The following NDRG3 variants were observed in gnomAD, a reference collection of about 807,000 sequenced individuals.
NDRG3 encodes protein NDRG3.
A neutral mutation model predicts 57.2 loss-of-function variants in NDRG3; 23 were observed. The ratio of observed to expected loss-of-function variants is 0.40; its 90% confidence interval spans 0.29 to 0.57. The LOEUF (loss-of-function observed/expected upper bound fraction) is 0.57. NDRG3 is among the 20% of genes least tolerant of loss of function. The pLI, the probability that NDRG3 is intolerant of heterozygous loss-of-function variation, is 0.42. For synonymous variants in NDRG3, 132 were observed against 162.6 expected (o/e 0.81, Z 1.43); for missense variants, 384 against 457.3 (o/e 0.84, Z 1.46).
chr20:36,659,354 C>T (rs1978954484), intron 13 of NDRG3, among the ~76,000 whole-genome samples: 1 of 152,124 alleles, frequency 6.6e-6, no homozygotes, highest in South Asian at 2.1e-4. Context: ...TCTCAAACTC[C>T]TGGACTCAAG....
intron 1 of NDRG3, among the ~76,000 whole-genome samples, chr20:36,744,861 C>G (rs933392825): frequency 6.6e-6 from 1 of 151,434 alleles, no homozygotes; most frequent in South Asian, 2.1e-4. Context: ...CTAGCCAAAT[C>G]TGCTCTGTCA....
intron 3 of NDRG3, among the ~76,000 whole-genome samples, chr20:36,701,378 A>T (rs1471462394): frequency 6.6e-6 from 1 of 151,714 alleles, no homozygotes; most frequent in East Asian, 1.9e-4. Context: ...CTCTACAAAA[A>T]ATATATATAT....
rs776129013 is a variant in NDRG3, at chr20:36,666,340, G to C, written c.641C>G (p.Ala214Gly). The change falls in exon 10 of 16, where the codon GCC becomes GGC. Residue 214 changes from alanine (A) to glycine (G), a missense_variant. Transcript: ENST00000349004. ...CAGGTTGTCTTGGTTGATGTCTTGGGCAATATGCATTCTGTAGGTTTGGAT... is the reference window on the plus strand; with the variant it reads ...CAGGTTGTCTTGGTTGATGTCTTGGCCAATATGCATTCTGTAGGTTTGGAT... The part of the protein sequence containing the change: ...DLIQTYRMHI[A>G]QDINQDNLQL... 3 of 1,614,146 alleles carry C rather than the reference G, an allele frequency of 1.9e-6. No homozygotes were observed. Among genetic ancestry groups the C allele is most frequent in the South Asian group, 2.2e-5 (2 of 91,090 alleles).
At chr20:36,691,172 A>G (rs911652145) in intron 3 of NDRG3, among the ~76,000 whole-genome samples, 2 of 152,238 alleles carry the variant, frequency 1.3e-5, no homozygotes, top group African/African-American at 4.8e-5. Context: ...AATGAACCTC[A>G]TAAGAGCTTT....
intron 1 of NDRG3, 150 bp downstream of exon 1, chr20:36,745,895 C>T (rs1411812402): frequency 1.0e-5 from 2 of 198,914 alleles, no homozygotes; most frequent in East Asian, 2.1e-4. Flanking sequence ...GGGCAGAGGG[C>T]CCCGGGGGCA....
chr20:36,687,430 T>C (rs1981883258), intron 5 of NDRG3, 62 bp downstream of exon 5: 4 of 1,581,152 alleles, frequency 2.5e-6, no homozygotes, highest in Non-Finnish European at 2.6e-6. Context: ...CTTCTCCCAC[T>C]GGAGCTCAGC....
chr20:36,672,451 G>T (rs1980253206), intron 8 of NDRG3, among the ~76,000 whole-genome samples: 1 of 152,192 alleles, frequency 6.6e-6, no homozygotes, highest in South Asian at 2.1e-4. Flanking sequence ...GCCTGGAGTA[G>T]GATCATATAG....
rs527573335 is a variant in NDRG3 at position 36,683,193 on chromosome 20, G to A, written c.384-615C>T. On this transcript the variant is annotated intron_variant, in intron 6 of 15. Transcript: ENST00000349004. ...CGGGAGGTGGAGCTTGCAGTGAGCC[G>A]AGAATGCGCCACTGCACTCCAGCCT... Among the ~76,000 whole-genome samples, 64 of 152,116 alleles carry A rather than the reference G, an allele frequency of 4.2e-4. 1 individual carries two copies. Among genetic ancestry groups the A allele is most frequent in the African/African-American group, 1.4e-3 (60 of 41,518 alleles).
intron 2 of NDRG3, among the ~76,000 whole-genome samples, chr20:36,713,851 GA>G (rs571644535): frequency 1.3e-5 from 2 of 152,108 alleles, no homozygotes; most frequent in South Asian, 4.1e-4. Context: ...CTAAAGTGGA[GA>G]AAATGAGTTG....
At chr20:36,725,926 CTTTT>C (rs35120120) in intron 1 of NDRG3, among the ~76,000 whole-genome samples, 4 of 123,620 alleles carry the variant, frequency 3.2e-5, no homozygotes, top group Admixed American at 1.7e-4. Flanking sequence ...CCTAGTGTTC[CTTTT>C]TTTTTTTTTT....
intron 2 of NDRG3, among the ~76,000 whole-genome samples, chr20:36,711,235 C>T (rs905706808): frequency 1.7e-4 from 25 of 149,300 alleles, no homozygotes; most frequent in African/African-American, 4.7e-4. Flanking sequence ...GCAGAGATCA[C>T]GCCACTGCAC....
intron 1 of NDRG3, among the ~76,000 whole-genome samples, chr20:36,733,552 G>A (rs573034403): frequency 2.6e-5 from 4 of 151,820 alleles, no homozygotes; most frequent in Admixed American, 6.6e-5. Flanking sequence ...GTGAAACCCC[G>A]TCTCTACTAA....
chr20:36,682,563 A>C lies in NDRG3; in HGVS notation c.399T>G (p.Ile133Met). Reference sequence around the variant, plus strand: ...AAGCTCCAGCTCCAACTCCAATTCCAATGATGCTTTTCAGGCTGTGAATGG... The same window carrying C: ...AAGCTCCAGCTCCAACTCCAATTCCCATGATGCTTTTCAGGCTGTGAATGG... ...VLTHLSLKSIIGIGVGAGAYI... is the reference protein window; with the variant it reads ...VLTHLSLKSIMGIGVGAGAYI... The change falls in exon 7 of 16, where the codon ATT becomes ATG. Residue 133 changes from isoleucine (I) to methionine (M), a missense_variant. Coordinates refer to ENST00000349004, the MANE Select transcript of NDRG3 (RefSeq NM_032013.4). 1 of 1,614,054 alleles carries C rather than the reference A, an allele frequency of 6.2e-7. No individual in the cohort carries two copies. The highest frequency in any genetic ancestry group is 8.5e-7 in the Non-Finnish European group (1 of 1,179,922).
chr20:36,671,456 G>T, intron 8 of NDRG3, 59 bp from the exon 9 acceptor site: 2 of 1,342,234 alleles, frequency 1.5e-6, no homozygotes, highest in Admixed American at 3.6e-5. Flanking sequence ...TTATCAAGCT[G>T]CCCAATTAAA....
chr20:36,738,053 ACT>A (rs1391922670), intron 1 of NDRG3, among the ~76,000 whole-genome samples: 1 of 145,342 alleles, frequency 6.9e-6, no homozygotes, highest in African/African-American at 2.6e-5. Flanking sequence ...ACAGAGCAAG[ACT>A]CTGTCTCAAA....
chr20:36,665,974 G>GTAAC (rs1979599147), intron 10 of NDRG3, among the ~76,000 whole-genome samples: 1 of 152,112 alleles, frequency 6.6e-6, no homozygotes, highest in Non-Finnish European at 1.5e-5. Context: ...TGTTTTCCTT[G>GTAAC]TAACTGAGTT....
At position 36,664,971 on chromosome 20, in the gene NDRG3, G is replaced by A. The variant is rs1183860742; in HGVS notation, c.810+75C>T. 15 of 1,429,760 alleles carry A rather than the reference G, an allele frequency of 1.0e-5. No homozygotes were observed. The East Asian group carries it at 1.8e-4, about 17-fold the overall frequency. 88.6% of individuals were successfully genotyped at this position (1,429,760 alleles called of 1,614,324 possible). On this transcript the variant is annotated intron_variant, in intron 12 of 15. Coordinates refer to ENST00000349004, the MANE Select transcript of NDRG3 (RefSeq NM_032013.4). ...CTCAAAGTGTTGGGAATACAGGCGT[G>A]AGCCACTGCACCTGGCCTACACATT...
intron 1 of NDRG3, 115 bp from the exon 2 acceptor site, chr20:36,721,898 T>C: frequency 1.8e-6 from 1 of 566,406 alleles, no homozygotes; most frequent in South Asian, 2.5e-5. Flanking sequence ...CATGCCCTGC[T>C]CAGGGTGCTA....
chr20:36,700,646 C>G (rs963754211), intron 3 of NDRG3: 21 of 356,002 alleles, frequency 5.9e-5, no homozygotes, highest in Middle Eastern at 3.9e-4. Context: ...TCATCTCCCA[C>G]CCCAGCATTC....
Sources: gnomAD v4.1 joint callset for allele counts (sites outside exome capture counted in the v4.1 genomes callset) on GRCh38, gnomAD v4.1.1 for gene constraint, MANE v1.5 for transcripts, NCBI Gene and HGNC (gene_info 2026-07-23, HGNC 2026-07-21) for gene names.